The following MGST3 variants were observed in gnomAD, a reference collection of about 807,000 sequenced individuals.
MGST3 encodes glutathione S-transferase 3, mitochondrial.
A neutral mutation model predicts 15.8 loss-of-function variants in MGST3; 13 were observed. That is an observed-to-expected ratio of 0.82 (90% CI 0.54 to 1.31). The LOEUF is 1.31. Among genes scored for constraint, MGST3 ranks in the 50% most tolerant of loss-of-function variants. The probability of loss-of-function intolerance (pLI) is 0.00; values close to 1 mark genes in which losing one functional copy is unlikely to be tolerated. For missense variants in MGST3, 155 were observed against 192.4 expected, an observed-to-expected ratio of 0.81 and a Z score of 1.15; for synonymous variants, 49 against 68.1, an observed-to-expected ratio of 0.72 and a Z score of 1.38.
intron 1 of MGST3, among the ~76,000 whole-genome samples, chr1:165,635,471 CAG>C (rs1343279389): frequency 6.6e-6 from 1 of 152,156 alleles, no homozygotes; most frequent in Non-Finnish European, 1.5e-5. Context: ...AGAGTTTCAA[CAG>C]AGTTCGTGTG....
At chr1:165,638,039 C>T (rs1275841774) in intron 1 of MGST3, among the ~76,000 whole-genome samples, 2 of 152,178 alleles carry the variant, frequency 1.3e-5, no homozygotes, top group Non-Finnish European at 2.9e-5. Context: ...TTTCTGCTAC[C>T]CCCCACGTCC....
Position 165,655,596 on chromosome 1 carries a change from C to T in MGST3, c.*92C>T. On this transcript the variant is annotated 3_prime_UTR_variant, in exon 6 of 6. Transcript: ENST00000367889. Reference sequence around the variant, plus strand: ...TTTTTCTAAATATAATAAAAACTTACCTGGCATCAGCCTCATACCTAAAAC... The same window carrying T: ...TTTTTCTAAATATAATAAAAACTTATCTGGCATCAGCCTCATACCTAAAAC... 6.7e-7 allele frequency: 1 copy of T among 1,485,520 alleles called. No individual in the cohort carries two copies. Among genetic ancestry groups the T allele is most frequent in the Non-Finnish European group, 9.2e-7 (1 of 1,085,614 alleles). 92.0% of individuals were successfully genotyped at this position (1,485,520 alleles called of 1,614,324 possible). A position where few individuals can be genotyped will look rare whatever the true frequency, so the allele number is the denominator to read the frequency against.
At chr1:165,649,723 C>CT in intron 1 of MGST3, 118 bp from the exon 2 acceptor site, 7 of 1,227,862 alleles carry the variant, frequency 5.7e-6, no homozygotes, top group Non-Finnish European at 8.3e-6. Context: ...TGATTCATAC[C>CT]TTTTTTTGGT....
At chr1:165,634,448 T>C (rs1466376540) in intron 1 of MGST3, among the ~76,000 whole-genome samples, 2 of 152,200 alleles carry the variant, frequency 1.3e-5, no homozygotes, top group African/African-American at 2.4e-5. Context: ...CTAAATACTG[T>C]GCACGGTGGT....
intron 1 of MGST3, chr1:165,632,030 C>T: frequency 1.9e-6 from 1 of 531,758 alleles, no homozygotes; most frequent in Non-Finnish European, 3.4e-6. Context: ...AGTTGCAGGG[C>T]GGTGGAAGGC....
chr1:165,641,312 C>A (rs1391206027), intron 1 of MGST3, among the ~76,000 whole-genome samples: 1 of 152,188 alleles, frequency 6.6e-6, no homozygotes, highest in African/African-American at 2.4e-5. Context: ...TGCATCCCCA[C>A]CCCTCAGCAG....
intron 1 of MGST3, among the ~76,000 whole-genome samples, chr1:165,642,214 G>A (rs1648281085): frequency 6.6e-6 from 1 of 152,204 alleles, no homozygotes; most frequent in South Asian, 2.1e-4. Flanking sequence ...GCTGTTCCCT[G>A]TTCGTCTCCA....
At chr1:165,642,636 G>A (rs1299437577) in intron 1 of MGST3, among the ~76,000 whole-genome samples, 1 of 152,154 alleles carries the variant, frequency 6.6e-6, no homozygotes, top group Non-Finnish European at 1.5e-5. Flanking sequence ...TCCTTCCTAT[G>A]TGTCAGGCAT....
rs1305012620 is a variant in MGST3 at position 165,638,079 on chromosome 1, C to G, written c.-8+6786C>G. Among the ~76,000 whole-genome samples, 3 of 152,128 alleles carry G rather than the reference C, an allele frequency of 2.0e-5. No individual in the cohort carries two copies. The East Asian group carries it at 5.8e-4, about 29-fold the overall frequency. On this transcript the variant is annotated intron_variant, in intron 1 of 5. Coordinates refer to ENST00000367889, the MANE Select transcript of MGST3 (RefSeq NM_004528.4). ...CCCTGCTTGCTTCAAAATACTGTTC[C>G]TAGTTTTCTTCCCCTAACTTGATAA...
chr1:165,653,820 A>G (rs1036630753), intron 4 of MGST3: 2 of 229,062 alleles, frequency 8.7e-6, no homozygotes, highest in African/African-American at 4.6e-5. Context: ...CAGCCCTGCC[A>G]GTGACTGACT....
rs1648693847 is a variant in MGST3 at position 165,655,828 on chromosome 1, T to C, written c.*324T>C. The stretch of plus-strand genomic sequence containing the variant: ...GTGATGAAAAATTAAAGAAAAATCT[T>C]CTAGCTCTCAGGATATGCATTATCA... On this transcript the variant is annotated 3_prime_UTR_variant, in exon 6 of 6. Coordinates refer to ENST00000367889, the MANE Select transcript of MGST3 (RefSeq NM_004528.4). 1 of 338,932 alleles carries C rather than the reference T, an allele frequency of 3.0e-6. No individual in the cohort carries two copies. 21.0% of individuals were successfully genotyped at this position (338,932 alleles called of 1,614,324 possible).
At position 165,654,400 on chromosome 1, in the gene MGST3, TC is replaced by T. The variant is rs751477558; in HGVS notation, c.322+51del. On this transcript the variant is annotated intron_variant, in intron 5 of 5. Transcript: ENST00000367889. ...AAGGAAACAACTTTAAAATTTTAAA[TC>T]CTATGCTGGCCAGGCACAGTGGCTT... The T allele has an allele frequency of 1.3e-5, 21 of 1,560,390 alleles. No individual in the cohort carries two copies. In the African/African-American group the frequency reaches 2.4e-4, roughly 18 times the overall value.
intron 1 of MGST3, chr1:165,645,962 CTG>C (rs773507845): frequency 2.6e-5 from 4 of 152,218 alleles, no homozygotes; most frequent in Non-Finnish European, 5.9e-5. Flanking sequence ...ACTGTTTGGA[CTG>C]TGTGTATCTA....
At chr1:165,651,637 C>A (rs1436942594) in intron 3 of MGST3, 3 of 331,972 alleles carry the variant, frequency 9.0e-6, no homozygotes, top group Non-Finnish European at 1.7e-5. Flanking sequence ...GTGAGGTGGG[C>A]TCACACCTGT....
In MGST3 at chr1:165,652,057, C is replaced by A. The variant is rs1648576172; in HGVS notation, c.249+22C>A. ...CCCGGTAAGTTTTCCAGGAGGTGTT[C>A]ATCTATTTGGATAGTAGTTCACTGA... is the stretch of plus-strand genomic sequence containing the variant. On this transcript the variant is annotated intron_variant, in intron 4 of 5. Transcript: ENST00000367889. 1.9e-6 allele frequency: 3 copies of A among 1,567,336 alleles called. No individual in the cohort carries two copies. The South Asian group carries it at 3.3e-5, about 17-fold the overall frequency.
At chr1:165,653,919 G>C in intron 4 of MGST3, 1 of 341,642 alleles carries the variant, frequency 2.9e-6, no homozygotes, top group Non-Finnish European at 5.6e-6. Flanking sequence ...CTGACTTTGG[G>C]GCAGTTCTCT....
chr1:165,638,923 G>A (rs781435126), intron 1 of MGST3, among the ~76,000 whole-genome samples: 5 of 152,098 alleles, frequency 3.3e-5, no homozygotes, highest in Admixed American at 6.5e-5. Flanking sequence ...CCCCTAAGAT[G>A]AGGAAAGAGG....
chr1:165,645,162 C>G (rs1017553714), intron 1 of MGST3, among the ~76,000 whole-genome samples: 2 of 152,060 alleles, frequency 1.3e-5, no homozygotes, highest in African/African-American at 2.4e-5. Context: ...TTCAGAACAC[C>G]CATACTGACT....
rs1384213901 is a variant in MGST3 at position 165,631,257 on chromosome 1, A to T, written c.-44A>T. On this transcript the variant is annotated 5_prime_UTR_variant, in exon 1 of 6. Coordinates refer to ENST00000367889, the MANE Select transcript of MGST3 (RefSeq NM_004528.4). ...GCGCCGCACCCACACCGCGCTGCGC[A>T]GTTTTGTTCTGCTCCAGCTGTTCGA... The T allele has an allele frequency of 6.5e-6, 1 of 152,674 alleles. No individual in the cohort carries two copies. The highest frequency in any genetic ancestry group is 1.5e-5 in the Non-Finnish European group (1 of 68,098). The allele number at this position is 152,674 out of a possible 1,614,324, so 9.5% of individuals were successfully genotyped here.
Sources: gnomAD v4.1 joint callset for allele counts (sites outside exome capture counted in the v4.1 genomes callset) on GRCh38, gnomAD v4.1.1 for gene constraint, MANE v1.5 for transcripts, NCBI Gene and HGNC (gene_info 2026-07-23, HGNC 2026-07-21) for gene names.